Variants in PPARGC1A observed in about 807,000 individuals in gnomAD.
PPARGC1A encodes PPARG coactivator 1 alpha.
Under a neutral mutation model 88.7 loss-of-function variants are expected in PPARGC1A, and 25 were observed. That is an observed-to-expected ratio of 0.28 (90% CI 0.21 to 0.39). PPARGC1A has a LOEUF of 0.39. PPARGC1A is among the 10% of genes least tolerant of loss of function. PPARGC1A has a pLI of 1.00. For missense variants in PPARGC1A, 880 were observed against 968.7 expected (o/e 0.91, Z 1.22); for synonymous variants, 363 against 355.6 (o/e 1.02, Z -0.24).
the PPARGC1A span, among the ~76,000 whole-genome samples, chr4:24,187,408 C>T: frequency 6.6e-6 from 1 of 152,212 alleles, no homozygotes; most frequent in South Asian, 2.1e-4. Flanking sequence ...CTAGGATCTT[C>T]ACTCTTAACC....
the PPARGC1A span, among the ~76,000 whole-genome samples, chr4:24,055,111 G>T: frequency 6.6e-6 from 1 of 152,194 alleles, no homozygotes; most frequent in Admixed American, 6.6e-5. Context: ...AACTGGTTAA[G>T]ACTTGAGAAC....
chr4:24,259,415 C>CG, the PPARGC1A span, among the ~76,000 whole-genome samples: 1 of 152,180 alleles, frequency 6.6e-6, no homozygotes, highest in Non-Finnish European at 1.5e-5. Context: ...TGCTTAAATA[C>CG]CTGCTCAGTG....
chr4:23,976,768 C>T, the PPARGC1A span, among the ~76,000 whole-genome samples: 3 of 152,142 alleles, frequency 2.0e-5, no homozygotes, highest in African/African-American at 7.2e-5. Flanking sequence ...AGGGGACAGG[C>T]CTCATGAGAA....
the PPARGC1A span, among the ~76,000 whole-genome samples, chr4:24,094,418 G>T: frequency 2.8e-3 from 419 of 152,258 alleles, 6 homozygotes; most frequent in East Asian, 0.052. Context: ...GTTCTACCCA[G>T]ACTCTCACAC....
At chr4:24,302,338 C>T in the PPARGC1A span, among the ~76,000 whole-genome samples, 5 of 152,322 alleles carry the variant, frequency 3.3e-5, no homozygotes, top group African/African-American at 1.2e-4. Flanking sequence ...GCACTGCCCA[C>T]AGACTGATGG....
At chr4:24,308,984 A>G in the PPARGC1A span, among the ~76,000 whole-genome samples, 1 of 152,156 alleles carries the variant, frequency 6.6e-6, no homozygotes, top group Non-Finnish European at 1.5e-5. Flanking sequence ...AAGAGAAAGA[A>G]TTTAGAAAGC....
chr4:24,285,829 A>G, the PPARGC1A span, among the ~76,000 whole-genome samples: 1 of 152,114 alleles, frequency 6.6e-6, no homozygotes, highest in South Asian at 2.1e-4. Context: ...ACCACTTCCA[A>G]TGCAGTCATG....
chr4:24,229,767 C>T, the PPARGC1A span, among the ~76,000 whole-genome samples: 1 of 151,582 alleles, frequency 6.6e-6, no homozygotes, highest in South Asian at 2.1e-4. Context: ...ATCACTTGAA[C>T]CCGGGAGGCA....
chr4:23,913,425 T>C, the PPARGC1A span, among the ~76,000 whole-genome samples: 1 of 151,726 alleles, frequency 6.6e-6, no homozygotes, highest in Non-Finnish European at 1.5e-5. Flanking sequence ...TAAATCCTTT[T>C]CTCTCTGTTT....
intron 1 of PPARGC1A, among the ~76,000 whole-genome samples, chr4:23,896,850 A>C (rs1437391422): frequency 6.6e-6 from 1 of 152,210 alleles, no homozygotes; most frequent in Non-Finnish European, 1.5e-5. Flanking sequence ...GCAAAGGCTT[A>C]GAGAAAGAGT....
the PPARGC1A span, among the ~76,000 whole-genome samples, chr4:24,283,183 G>A: frequency 6.6e-6 from 1 of 152,178 alleles, no homozygotes; most frequent in Non-Finnish European, 1.5e-5. Context: ...AAAAGATCAT[G>A]ATCTAACAAC....
the PPARGC1A span, among the ~76,000 whole-genome samples, chr4:24,160,230 C>T: frequency 2.6e-5 from 4 of 152,168 alleles, no homozygotes; most frequent in Non-Finnish European, 4.4e-5. Context: ...AAATATTCAT[C>T]GAGAACTTTC....
the PPARGC1A span, among the ~76,000 whole-genome samples, chr4:24,175,586 C>T: frequency 8.1e-6 from 1 of 123,132 alleles, no homozygotes. Flanking sequence ...TGGGGTTTTG[C>T]CACACTGGCC....
chr4:24,216,576 T>G, the PPARGC1A span, among the ~76,000 whole-genome samples: 1 of 152,202 alleles, frequency 6.6e-6, no homozygotes, highest in Non-Finnish European at 1.5e-5. Context: ...TTTTTTGCCC[T>G]TCAGTTTTTG....
chr4:23,892,351 C>T (rs1289467175), upstream of PPARGC1A, among the ~76,000 whole-genome samples: 3 of 151,960 alleles, frequency 2.0e-5, no homozygotes, highest in Non-Finnish European at 2.9e-5. Context: ...TCATAAACTA[C>T]AGTATATTGC....
chr4:24,100,941 A>C, the PPARGC1A span, among the ~76,000 whole-genome samples: 1 of 152,244 alleles, frequency 6.6e-6, no homozygotes, highest in African/African-American at 2.4e-5. Context: ...GGTGCAGACC[A>C]TGTATTAACC....
At chr4:23,893,524 G>T (rs1332553755), upstream of PPARGC1A, among the ~76,000 whole-genome samples, 1 of 152,100 alleles carries the variant, frequency 6.6e-6, no homozygotes, top group Non-Finnish European at 1.5e-5. Context: ...CTACCAGACT[G>T]CTGCTTCTTT....
the PPARGC1A span, among the ~76,000 whole-genome samples, chr4:24,193,615 T>C: frequency 6.6e-6 from 1 of 152,186 alleles, no homozygotes; most frequent in Non-Finnish European, 1.5e-5. Flanking sequence ...ACGCCATATA[T>C]GTTTCAGGGC....
At chr4:24,043,094 C>T in the PPARGC1A span, among the ~76,000 whole-genome samples, 1 of 152,116 alleles carries the variant, frequency 6.6e-6, no homozygotes, top group South Asian at 2.1e-4. Context: ...AACTGGGGTG[C>T]CTTTCCTTCT....
Sources: allele counts gnomAD v4.1 joint callset (sites outside exome capture counted in the v4.1 genomes callset), GRCh38; gene constraint gnomAD v4.1.1; transcripts MANE v1.5; gene names NCBI Gene and HGNC (gene_info 2026-07-23, HGNC 2026-07-21).